Variants in GREB1L observed in about 807,000 individuals in gnomAD.
GREB1L encodes GREB1 like retinoic acid receptor coactivator.
GREB1L carries 17 observed loss-of-function variants against 200.8 expected under a neutral mutation model. The observed-to-expected ratio is 0.08, with a 90% confidence interval of 0.06 to 0.13. The LOEUF is 0.13. GREB1L is among the 10% of genes least tolerant of loss of function. The probability of loss-of-function intolerance (pLI) is 1.00; values close to 1 mark genes in which losing one functional copy is unlikely to be tolerated. For synonymous variants in GREB1L, 789 were observed against 893.0 expected, an observed-to-expected ratio of 0.88 and a Z score of 2.08; for missense variants, 1,657 against 2,367.7, an observed-to-expected ratio of 0.70 and a Z score of 6.23.
At position 21,253,913 on chromosome 18, in the gene GREB1L, T is replaced by G. The variant is rs376914432; in HGVS notation, c.-120+11520T>G. Reference sequence around the variant, plus strand: ...GTGCAGTGGCACAATCATAGCTCACTGCAGCCTCGAACTCCTGGGCTCAAA... The same window carrying G: ...GTGCAGTGGCACAATCATAGCTCACGGCAGCCTCGAACTCCTGGGCTCAAA... On this transcript the variant is annotated intron_variant, in intron 1 of 32. Transcript: ENST00000424526. Among the ~76,000 whole-genome samples the G allele has an allele frequency of 4.2e-4, 62 of 149,196 alleles. No individual in the cohort carries two copies. The East Asian group carries it at 9.6e-3, about 23-fold the overall frequency.
intron 11 of GREB1L, among the ~76,000 whole-genome samples, chr18:21,448,823 C>T (rs1370679678): frequency 2.0e-5 from 3 of 151,990 alleles, no homozygotes; most frequent in Admixed American, 6.6e-5. Context: ...GAAGAAAATC[C>T]CCCTGATTCC....
chr18:21,371,642 C>A lies in GREB1L; in HGVS notation c.-10+5506C>A, dbSNP rs1275390692. ...CTCTACCAAAAATACAACAAATTAG[C>A]CGGGCGTGGCGGGCGCCTGTAGTCG... On this transcript the variant is annotated intron_variant, in intron 2 of 32. Coordinates refer to ENST00000424526, the MANE Select transcript of GREB1L (RefSeq NM_001142966.3). Among the ~76,000 whole-genome samples the A allele has an allele frequency of 2.0e-5, 3 of 151,630 alleles. No homozygotes were observed. In the East Asian group the frequency reaches 5.8e-4, roughly 29 times the overall value.
At chr18:21,509,806 GT>G (rs778587057) in intron 27 of GREB1L, among the ~76,000 whole-genome samples, 2 of 152,026 alleles carry the variant, frequency 1.3e-5, no homozygotes, top group African/African-American at 2.4e-5. Flanking sequence ...TTTAGTACTA[GT>G]TTTGCCATTT....
At chr18:21,482,173 T>C (rs2035945949) in intron 17 of GREB1L, among the ~76,000 whole-genome samples, 1 of 152,216 alleles carries the variant, frequency 6.6e-6, no homozygotes, top group South Asian at 2.1e-4. Flanking sequence ...TTTTCTAGGA[T>C]TTGTTTATTC....
intron 1 of GREB1L, among the ~76,000 whole-genome samples, chr18:21,287,365 T>C (rs1193782216): frequency 6.6e-6 from 1 of 152,170 alleles, no homozygotes; most frequent in Non-Finnish European, 1.5e-5. Flanking sequence ...TAAAATGGAG[T>C]GCAATGTTCA....
chr18:21,518,826 A>C (rs1035839710), intron 31 of GREB1L, among the ~76,000 whole-genome samples: 3 of 152,146 alleles, frequency 2.0e-5, no homozygotes, highest in African/African-American at 7.2e-5. Context: ...TTGCACCTCC[A>C]GGCTCCTACT....
At chr18:21,318,782 A>G (rs1755085451) in intron 1 of GREB1L, among the ~76,000 whole-genome samples, 1 of 152,166 alleles carries the variant, frequency 6.6e-6, no homozygotes, top group African/African-American at 2.4e-5. Flanking sequence ...CTTCCCATAT[A>G]TAAAACATGC....
At chr18:21,282,657 T>A (rs2038288486) in intron 1 of GREB1L, among the ~76,000 whole-genome samples, 1 of 152,044 alleles carries the variant, frequency 6.6e-6, no homozygotes, top group South Asian at 2.1e-4. Flanking sequence ...TGCAGTGCAG[T>A]GGCACAATCT....
intron 13 of GREB1L, among the ~76,000 whole-genome samples, 192 bp from the exon 14 acceptor site, chr18:21,451,891 A>G (rs1430929431): frequency 2.0e-5 from 3 of 152,222 alleles, no homozygotes; most frequent in Admixed American, 6.5e-5. Context: ...TATAAGCACT[A>G]TATCAATGAG....
Position 21,522,776 on chromosome 18 carries a change from C to A in GREB1L, c.5727C>A (p.Ser1909Arg), listed in dbSNP as rs1391728230. The change falls in exon 33 of 33, where the codon AGC (serine) becomes AGA (arginine). Residue 1909 changes from serine (S) to arginine (R), a missense_variant. Around this residue, in one of 9 missense-constraint regions of GREB1L, gnomAD observed 190 missense variants for 230.2 expected, o/e 0.83. Transcript: ENST00000424526. ...GGGACGAGTTTCAAACTGCTAACAGCAGTGATGACAAGCCTCTCTACTTTC... is the reference window on the plus strand; with the variant it reads ...GGGACGAGTTTCAAACTGCTAACAGAAGTGATGACAAGCCTCTCTACTTTC... Reference protein sequence around the residue: ...RLRDEFQTANSSDDKPLYFLT... With the variant: ...RLRDEFQTANRSDDKPLYFLT... 2.6e-6 allele frequency: 4 copies of A among 1,551,654 alleles called. No homozygotes were observed. The highest frequency in any genetic ancestry group is 2.0e-5 in the Admixed American group (1 of 51,002).
intron 7 of GREB1L, among the ~76,000 whole-genome samples, chr18:21,438,419 C>G (rs1436798978): frequency 2.0e-5 from 3 of 152,114 alleles, no homozygotes; most frequent in Non-Finnish European, 2.9e-5. Context: ...AATCCCAACA[C>G]TTTGGGAAGC....
chr18:21,460,988 T>A (rs2035021552), intron 15 of GREB1L, among the ~76,000 whole-genome samples: 1 of 151,150 alleles, frequency 6.6e-6, no homozygotes, highest in African/African-American at 2.4e-5. Context: ...TCCCAGCTAT[T>A]CAGGAGGCTG....
intron 25 of GREB1L, among the ~76,000 whole-genome samples, chr18:21,507,377 T>C (rs192681592): frequency 3.3e-5 from 5 of 152,338 alleles, no homozygotes; most frequent in Admixed American, 1.3e-4. Flanking sequence ...CTATGAAATA[T>C]AGTATTTTGG....
At chr18:21,496,044 A>ATT (rs920557906) in intron 20 of GREB1L, among the ~76,000 whole-genome samples, 1 of 151,620 alleles carries the variant, frequency 6.6e-6, no homozygotes, top group Non-Finnish European at 1.5e-5. Context: ...GAAAAGCAGG[A>ATT]TTTTTTTTTA....
intron 1 of GREB1L, among the ~76,000 whole-genome samples, chr18:21,250,026 C>T (rs767218426): frequency 2.0e-5 from 3 of 151,988 alleles, no homozygotes; most frequent in South Asian, 4.2e-4. Context: ...CAATTTTCTA[C>T]GGGTGTCATT....
At chr18:21,416,693 CAAA>C (rs1366578660) in intron 7 of GREB1L, among the ~76,000 whole-genome samples, 3 of 114,918 alleles carry the variant, frequency 2.6e-5, no homozygotes, top group African/African-American at 5.8e-5. Flanking sequence ...AACTCCATCT[CAAA>C]AAAAAAAAAA....
intron 7 of GREB1L, among the ~76,000 whole-genome samples, chr18:21,432,658 G>A (rs1037801496): frequency 4.9e-5 from 6 of 122,000 alleles, no homozygotes; most frequent in African/African-American, 1.3e-4. Context: ...CATGATTTTC[G>A]TAAGTTTTTT....
intron 7 of GREB1L, among the ~76,000 whole-genome samples, chr18:21,415,669 A>T (rs1187107845): frequency 6.6e-6 from 1 of 152,170 alleles, no homozygotes; most frequent in Non-Finnish European, 1.5e-5. Context: ...AGGCCAAGAA[A>T]AGTGGCTATT....
intron 7 of GREB1L, among the ~76,000 whole-genome samples, chr18:21,431,421 A>G (rs1364378128): frequency 6.6e-6 from 1 of 152,068 alleles, no homozygotes; most frequent in East Asian, 1.9e-4. Context: ...AAATTTGTGA[A>G]TTTCTTAAAT....
Sources: gnomAD v4.1 joint callset for allele counts (sites outside exome capture counted in the v4.1 genomes callset) on GRCh38, gnomAD v4.1.1 for gene constraint, gnomAD v4.1.1 regional missense constraint, MANE v1.5 for transcripts, NCBI Gene and HGNC (gene_info 2026-07-23, HGNC 2026-07-21) for gene names.